TPTE2: variants seen among roughly 807,000 people sequenced by gnomAD.
TPTE2 encodes transmembrane phosphoinositide 3-phosphatase and tensin homolog 2, also known as phosphatidylinositol 3,4,5-trisphosphate 3-phosphatase TPTE2.
TPTE2 carries 53 observed loss-of-function variants against 78.6 expected under a neutral mutation model. That is an observed-to-expected ratio of 0.67 (90% CI 0.54 to 0.85). The LOEUF (loss-of-function observed/expected upper bound fraction) is 0.85. TPTE2 is among the 40% of genes least tolerant of loss of function. The pLI is 0.00. For synonymous variants in TPTE2, 175 were observed against 206.2 expected, an observed-to-expected ratio of 0.85 and a Z score of 1.30; for missense variants, 461 against 623.0, an observed-to-expected ratio of 0.74 and a Z score of 2.77.
chr13:19,464,412 T>C (rs747467707), intron 10 of TPTE2, 44 bp downstream of exon 13: 9 of 1,559,036 alleles, frequency 5.8e-6, no homozygotes, highest in Non-Finnish European at 7.9e-6. Flanking sequence ...CTACACAGTC[T>C]ACATTCACTG....
the TPTE2 span, chr13:19,561,304 G>A: frequency 3.4e-6 from 3 of 881,854 alleles, no homozygotes; most frequent in South Asian, 2.2e-5. Flanking sequence ...CCAGCATGCC[G>A]ATCCCAGGCA....
At chr13:19,423,319 T>C (rs2137447675) in intron 19 of TPTE2, among the ~76,000 whole-genome samples, 155 bp from the exon 23 acceptor site, 1 of 152,290 alleles carries the variant, frequency 6.6e-6, no homozygotes, top group East Asian at 1.9e-4. Flanking sequence ...TCCTTCCACC[T>C]TTTTAGTGAG....
intron 3 of TPTE2, among the ~76,000 whole-genome samples, chr13:19,484,884 T>C (rs918108067): frequency 4.6e-5 from 7 of 152,180 alleles, no homozygotes; most frequent in Non-Finnish European, 1.0e-4. Flanking sequence ...ACCGGTAAGA[T>C]GAGTTTCTTT....
chr13:19,561,030 G>T, the TPTE2 span: 5,327 of 1,572,844 alleles, frequency 3.4e-3, 14 homozygotes, highest in Non-Finnish European at 4.2e-3. Context: ...AGGCAGAGGC[G>T]CTTGGACAGG....
chr13:19,543,283 C>T, the TPTE2 span, among the ~76,000 whole-genome samples: 1 of 151,290 alleles, frequency 6.6e-6, no homozygotes, highest in African/African-American at 2.4e-5. Flanking sequence ...GAACTCCTGA[C>T]CTCAGGTGAT....
At chr13:19,444,817 G>GA (rs1166315400) in intron 13 of TPTE2, among the ~76,000 whole-genome samples, 1 of 152,178 alleles carries the variant, frequency 6.6e-6, no homozygotes, top group East Asian at 1.9e-4. Context: ...GCACACAGAT[G>GA]AAAAATCAAT....
intron 3 of TPTE2, among the ~76,000 whole-genome samples, chr13:19,490,360 T>C (rs1174371470): frequency 2.6e-5 from 4 of 152,184 alleles, no homozygotes; most frequent in Admixed American, 2.0e-4. Flanking sequence ...TATTCTACAA[T>C]TTATAATCTA....
chr13:19,522,686 G>A (rs1870239099), intron 1 of TPTE2, among the ~76,000 whole-genome samples: 1 of 135,250 alleles, frequency 7.4e-6, no homozygotes, highest in Non-Finnish European at 1.6e-5. Flanking sequence ...GCAGTGGTGT[G>A]ATCTCGGCTC....
chr13:19,464,671 C>T, intron 9 of TPTE2, 151 bp from the exon 13 acceptor site: 4 of 786,108 alleles, frequency 5.1e-6, no homozygotes, highest in Non-Finnish European at 8.0e-6. Context: ...TCAGGATAAT[C>T]AAATAACATA....
intron 1 of TPTE2, among the ~76,000 whole-genome samples, chr13:19,494,861 C>G (rs1029151087): frequency 1.3e-4 from 20 of 152,146 alleles, no homozygotes; most frequent in African/African-American, 4.8e-4. Context: ...TACAGTTAGT[C>G]TATGTGTCAT....
rs1871136508 is a variant in TPTE2 at position 19,535,222 on chromosome 13, AAAAT to A, written c.-44+1370_-44+1373del. Among the ~76,000 whole-genome samples the A allele has an allele frequency of 1.1e-4, 1 of 9,160 alleles. No individual in the cohort carries two copies. The highest frequency in any genetic ancestry group is 1.7e-4 in the African/African-American group (1 of 5,944). The allele number at this position is 9,160 out of a possible 152,430, so 6.0% of individuals were successfully genotyped here. ...CTTCTCAAAAAAACAAACAAACAAAAAAATATATATATATATATATTCTTTAGAT... is the reference window on the plus strand; with the variant it reads ...CTTCTCAAAAAAACAAACAAACAAAAATATATATATATATATTCTTTAGAT... On this transcript the variant is annotated intron_variant, in intron 1 of 17. Coordinates refer to the TPTE2 transcript ENST00000390680. The surrounding 1 kb of genome is among the most constrained non-coding windows in gnomAD (Gnocchi z 5.1).
At chr13:19,446,588 A>G (rs1877852013) in intron 13 of TPTE2, among the ~76,000 whole-genome samples, 1 of 152,206 alleles carries the variant, frequency 6.6e-6, no homozygotes, top group African/African-American at 2.4e-5. Flanking sequence ...CATAAACATG[A>G]CAGAAAAGCA....
At chr13:19,489,758 G>A (rs1328374636) in intron 3 of TPTE2, among the ~76,000 whole-genome samples, 2 of 30,244 alleles carry the variant, frequency 6.6e-5, no homozygotes, top group Non-Finnish European at 1.3e-4. Context: ...ATACATGTGT[G>A]TTATATGTGT....
intron 13 of TPTE2, among the ~76,000 whole-genome samples, chr13:19,449,820 G>A (rs1878061914): frequency 6.6e-6 from 1 of 151,974 alleles, no homozygotes; most frequent in Non-Finnish European, 1.5e-5. Flanking sequence ...CAAATACTAG[G>A]AAAACAAGGG....
chr13:19,493,007 T>G, intron 2 of TPTE2, 104 bp from the exon 6 acceptor site: 1 of 1,498,524 alleles, frequency 6.7e-7, no homozygotes, highest in Non-Finnish European at 9.1e-7. Flanking sequence ...AATTAATTTC[T>G]GTCAGAAATC....
In TPTE2 at chr13:19,449,754, T is replaced by G. The variant is rs1294188153; in HGVS notation, c.973+322A>C. 2.0e-5 allele frequency among the ~76,000 whole-genome samples: 3 copies of G among 152,130 alleles called. No homozygotes were observed. In the East Asian group the frequency reaches 5.8e-4, roughly 29 times the overall value. ...ATAAAAGTACTCTGATATTCTAAAATTAAAGACTGTTTGTATTTTGAGAGA... is the reference window on the plus strand; with the variant it reads ...ATAAAAGTACTCTGATATTCTAAAAGTAAAGACTGTTTGTATTTTGAGAGA... On this transcript the variant is annotated intron_variant, in intron 13 of 19. Coordinates refer to ENST00000400230, the Ensembl canonical transcript of TPTE2.
At chr13:19,448,128 T>C (rs1001152747) in intron 13 of TPTE2, among the ~76,000 whole-genome samples, 5 of 152,166 alleles carry the variant, frequency 3.3e-5, no homozygotes, top group African/African-American at 1.2e-4. Flanking sequence ...GAATATCCAC[T>C]TGCAGAAAAA....
At chr13:19,542,986 A>C in the TPTE2 span, among the ~76,000 whole-genome samples, 371 of 152,206 alleles carry the variant, frequency 2.4e-3, 1 homozygote, top group African/African-American at 8.6e-3. Context: ...CTCAAAAAAA[A>C]AAAAATTGTT....
chr13:19,545,783 T>G, the TPTE2 span, among the ~76,000 whole-genome samples: 7 of 152,220 alleles, frequency 4.6e-5, no homozygotes, highest in Non-Finnish European at 8.8e-5. Flanking sequence ...ACAGTAGATA[T>G]TTTAAGAAAG....
Sources: gnomAD v4.1 joint callset for allele counts (sites outside exome capture counted in the v4.1 genomes callset) on GRCh38, gnomAD v4.1.1 for gene constraint, Gnocchi (gnomAD v3.1) non-coding constraint, MANE v1.5 for transcripts, NCBI Gene and HGNC (gene_info 2026-07-23, HGNC 2026-07-21) for gene names.